Variants in CCDC158 observed in about 807,000 individuals in gnomAD.
CCDC158 encodes the protein coiled-coil domain containing 158.
CCDC158 carries 116 observed loss-of-function variants against 138.6 expected under a neutral mutation model. The ratio of observed to expected loss-of-function variants is 0.84; its 90% confidence interval spans 0.72 to 0.98. The LOEUF (loss-of-function observed/expected upper bound fraction) is 0.98. Among genes scored for constraint, CCDC158 ranks in the 50% least tolerant of loss-of-function variants. CCDC158 has a pLI of 0.00. For missense variants in CCDC158, 1,265 were observed against 1,306.1 expected (o/e 0.97, Z 0.48); for synonymous variants, 436 against 442.4 (o/e 0.99, Z 0.18).
intron 12 of CCDC158, among the ~76,000 whole-genome samples, chr4:76,364,960 C>T (rs1456343684): frequency 6.6e-6 from 1 of 152,206 alleles, no homozygotes; most frequent in Non-Finnish European, 1.5e-5. Flanking sequence ...TCTGCCTAGC[C>T]ACTCCTGGCA....
chr4:76,329,043 G>T, intron 21 of CCDC158, 76 bp from the exon 22 acceptor site: 1 of 1,147,576 alleles, frequency 8.7e-7, no homozygotes, highest in South Asian at 1.2e-5. Flanking sequence ...AGAAGCAAGT[G>T]AACACAGGCA....
chr4:76,364,354 T>A (rs1412871292), intron 12 of CCDC158, among the ~76,000 whole-genome samples: 1 of 152,196 alleles, frequency 6.6e-6, no homozygotes, highest in Non-Finnish European at 1.5e-5. Flanking sequence ...AGGACCCCTC[T>A]CTTCCCAGGG....
chr4:76,325,834 C>T lies in CCDC158; in HGVS notation c.3169+23G>A, dbSNP rs146362233. On this transcript the variant is annotated intron_variant, in intron 23 of 24. Coordinates refer to ENST00000682701, the MANE Select transcript of CCDC158 (RefSeq NM_001394954.1). ...AGTGTAGGAAATCAATTAATCACGT[C>T]AATGATATCAGATCTTTCTTACCTT... The T allele has an allele frequency of 4.6e-4, 733 of 1,593,462 alleles. 4 individuals carry two copies. The African/African-American group carries it at 8.9e-3, about 19-fold the overall frequency.
chr4:76,328,365 G>T (rs1720712552), intron 22 of CCDC158, among the ~76,000 whole-genome samples: 1 of 152,246 alleles, frequency 6.6e-6, no homozygotes, highest in South Asian at 2.1e-4. Flanking sequence ...TCACAGGGGT[G>T]ACACAGTATG....
intron 1 of CCDC158, among the ~76,000 whole-genome samples, chr4:76,418,768 A>G (rs1729891625): frequency 6.6e-6 from 1 of 152,172 alleles, no homozygotes; most frequent in Admixed American, 6.5e-5. Flanking sequence ...ACACACGGGA[A>G]TTGTGGGAGC....
Position 76,407,272 on chromosome 4 carries a change from C to A in CCDC158, c.-73-3992G>T, listed in dbSNP as rs371273308. 12 of 152,172 alleles carry A rather than the reference C, an allele frequency of 7.9e-5. No individual in the cohort carries two copies. In the East Asian group the frequency reaches 2.1e-3, roughly 27 times the overall value. The allele number at this position is 152,172 out of a possible 1,614,324, so 9.4% of individuals were successfully genotyped here. A position where few individuals can be genotyped will look rare whatever the true frequency, so the allele number is the denominator to read the frequency against. ...TGCCACCTGTCAAAACTACAATTAA[C>A]GATAGAACATATCTACCTTAATATG... On this transcript the variant is annotated intron_variant, in intron 2 of 24. Coordinates refer to ENST00000682701, the MANE Select transcript of CCDC158 (RefSeq NM_001394954.1).
In CCDC158 at chr4:76,325,912, A is replaced by G; in HGVS notation, c.3114T>C (p.Gly1038=). ...LLTSSVEGSI[G]STSQYRSAKP... is the part of the protein sequence containing the mutation. ...TGGCAGATCTATACTGTGATGTGGA[A>G]CCTATTGAACCTTCAACTGAACTAG... The change falls in exon 23 of 25, where the codon GGT becomes GGC. Residue 1038 remains glycine (G), a synonymous_variant. Transcript: ENST00000682701. 6.2e-7 allele frequency: 1 copy of G among 1,613,716 alleles called. No individual in the cohort carries two copies. The highest frequency in any genetic ancestry group is 8.5e-7 in the Non-Finnish European group (1 of 1,179,658).
intron 10 of CCDC158, 41 bp downstream of exon 10, chr4:76,371,376 C>G: frequency 6.3e-7 from 1 of 1,584,110 alleles, no homozygotes; most frequent in Non-Finnish European, 8.6e-7. Flanking sequence ...TGAAAAACTT[C>G]CCAGAATTAG....
intron 9 of CCDC158, among the ~76,000 whole-genome samples, chr4:76,371,780 A>G (rs930324716): frequency 4.6e-5 from 7 of 152,138 alleles, no homozygotes; most frequent in African/African-American, 1.4e-4. Flanking sequence ...TCTACTAAAA[A>G]TACAAAAATT....
chr4:76,324,844 T>A (rs1263368620), intron 23 of CCDC158, among the ~76,000 whole-genome samples: 1 of 152,160 alleles, frequency 6.6e-6, no homozygotes, highest in African/African-American at 2.4e-5. Context: ...CCTTTACCTA[T>A]GGTATAGAGG....
At chr4:76,411,091 C>T (rs10019289) in intron 2 of CCDC158, among the ~76,000 whole-genome samples, 4,455 of 152,238 alleles carry the variant, frequency 0.029, 216 homozygotes, top group African/African-American at 0.1. Context: ...GATAATTGGA[C>T]AGCAATAACA....
intron 24 of CCDC158, among the ~76,000 whole-genome samples, chr4:76,318,820 G>A (rs975015110): frequency 2.6e-5 from 4 of 152,170 alleles, no homozygotes; most frequent in Non-Finnish European, 5.9e-5. Context: ...AACAAAAAAA[G>A]AAAACTACAG....
At chr4:76,347,248 T>C (rs547052675) in intron 18 of CCDC158, among the ~76,000 whole-genome samples, 2 of 152,124 alleles carry the variant, frequency 1.3e-5, no homozygotes, top group Non-Finnish European at 2.9e-5. Flanking sequence ...TGCGGCACTA[T>C]TCACAATAGC....
At chr4:76,337,192 G>A (rs923814893) in intron 18 of CCDC158, among the ~76,000 whole-genome samples, 3 of 152,070 alleles carry the variant, frequency 2.0e-5, no homozygotes, top group African/African-American at 7.2e-5. Context: ...GTTTTGCCAT[G>A]TTGGCCAGGC....
At chr4:76,333,192 A>G (rs1450360870) in intron 19 of CCDC158, among the ~76,000 whole-genome samples, 4 of 152,178 alleles carry the variant, frequency 2.6e-5, no homozygotes, top group Non-Finnish European at 5.9e-5. Context: ...CTCAGCTAAT[A>G]TTTTGCTACC....
chr4:76,347,071 T>C (rs1722623556), intron 18 of CCDC158, among the ~76,000 whole-genome samples: 1 of 152,196 alleles, frequency 6.6e-6, no homozygotes, highest in African/African-American at 2.4e-5. Flanking sequence ...GCTTTTACAC[T>C]GTTGGTGGAA....
rs543605297 is a variant in CCDC158, at chr4:76,369,456, C to T, written c.1317G>A (p.Lys439=). The part of the protein sequence containing the change: ...QRLEALLKAL[K]SECQGQMERQ... Reference sequence around the variant, plus strand: ...GCTCCATCTGGCCCTGACACTCGCTCTTCAAGGCCTTGAGCAGGGCTTCCA... The same window carrying T: ...GCTCCATCTGGCCCTGACACTCGCTTTTCAAGGCCTTGAGCAGGGCTTCCA... The change falls in exon 11 of 25, where the codon AAG becomes AAA. Residue 439 remains lysine (K), a synonymous_variant. Coordinates refer to ENST00000682701, the MANE Select transcript of CCDC158 (RefSeq NM_001394954.1). 2 of 1,614,204 alleles carry T rather than the reference C, an allele frequency of 1.2e-6. No individual in the cohort carries two copies. The highest frequency in any genetic ancestry group is 1.3e-5 in the African/African-American group (1 of 75,056).
At chr4:76,397,864 C>G (rs947582623) in intron 3 of CCDC158, among the ~76,000 whole-genome samples, 1 of 152,192 alleles carries the variant, frequency 6.6e-6, no homozygotes, top group African/African-American at 2.4e-5. Context: ...ATGATTCCCT[C>G]CTAAAAGGAA....
rs1446396472 is a variant in CCDC158 at position 76,403,117 on chromosome 4, TG to T, written c.70+20del. 4 of 1,543,632 alleles carry T rather than the reference TG, an allele frequency of 2.6e-6. No individual in the cohort carries two copies. Among genetic ancestry groups the T allele is most frequent in the Non-Finnish European group, 2.7e-6 (3 of 1,125,060 alleles). ...GGTTAATTCTATTTTTTCCCCATTT[TG>T]TTTTATAAACAGCACATACCTCCAT... On this transcript the variant is annotated intron_variant, in intron 3 of 24. Coordinates refer to ENST00000682701, the MANE Select transcript of CCDC158 (RefSeq NM_001394954.1).
Sources: allele counts gnomAD v4.1 joint callset (sites outside exome capture counted in the v4.1 genomes callset), GRCh38; gene constraint gnomAD v4.1.1; transcripts MANE v1.5; gene names NCBI Gene and HGNC (gene_info 2026-07-23, HGNC 2026-07-21).